The following BORCS5 variants were observed in gnomAD, a reference collection of about 807,000 sequenced individuals.
BORCS5 encodes the protein BLOC-1 related complex subunit 5.
A neutral mutation model predicts 22.1 loss-of-function variants in BORCS5; 17 were observed. That is an observed-to-expected ratio of 0.77 (90% confidence interval 0.53 to 1.15). BORCS5 has a LOEUF of 1.15. Among genes scored for constraint, BORCS5 ranks in the 50% most tolerant of loss-of-function variants. The pLI is 0.00. For missense variants in BORCS5, 247 were observed against 253.2 expected (o/e 0.98, Z 0.17); for synonymous variants, 117 against 99.8 (o/e 1.17, Z -1.03).
intron 2 of BORCS5, among the ~76,000 whole-genome samples, chr12:12,399,758 C>T (rs1409129253): frequency 6.6e-6 from 1 of 152,186 alleles, no homozygotes; most frequent in Non-Finnish European, 1.5e-5. Flanking sequence ...CTGCCAAAGA[C>T]TGTGTCCTTC....
rs1379868725 is a variant in BORCS5, at chr12:12,361,353, A to G, written c.202+4A>G. Reference sequence around the variant, plus strand: ...ACCTTCCAGCCCCTTTTGAAAGGTAAAGGATTGCGTTTTGTTTTATCTGAA... The same window carrying G: ...ACCTTCCAGCCCCTTTTGAAAGGTAGAGGATTGCGTTTTGTTTTATCTGAA... On this transcript the variant is annotated splice_donor_region_variant and intron_variant, in intron 2 of 3. Coordinates refer to ENST00000314565, the MANE Select transcript of BORCS5 (RefSeq NM_058169.6). 1 of 1,613,066 alleles carries G rather than the reference A, an allele frequency of 6.2e-7. No individual in the cohort carries two copies. The highest frequency in any genetic ancestry group is 1.1e-5 in the South Asian group (1 of 91,060).
chr12:12,419,633 A>G (rs1187195356), intron 2 of BORCS5, among the ~76,000 whole-genome samples: 2 of 152,170 alleles, frequency 1.3e-5, no homozygotes, highest in Admixed American at 6.5e-5. Flanking sequence ...GTCTTCCACA[A>G]TGGTTGGACT....
intron 2 of BORCS5, among the ~76,000 whole-genome samples, chr12:12,416,686 C>T (rs1407386273): frequency 6.6e-6 from 1 of 151,900 alleles, no homozygotes; most frequent in African/African-American, 2.4e-5. Flanking sequence ...TTCTCGAACT[C>T]CTGGGCTCAA....
At chr12:12,362,204 G>T (rs1033484618) in intron 2 of BORCS5, among the ~76,000 whole-genome samples, 1 of 152,094 alleles carries the variant, frequency 6.6e-6, no homozygotes, top group African/African-American at 2.4e-5. Flanking sequence ...TCAATGATTG[G>T]GGTAAGATAA....
At chr12:12,457,529 C>T (rs1009822625) in intron 3 of BORCS5, among the ~76,000 whole-genome samples, 9 of 152,094 alleles carry the variant, frequency 5.9e-5, no homozygotes, top group Non-Finnish European at 1.3e-4. Flanking sequence ...ATTAGCTGGG[C>T]GAGGTGGTGG....
In BORCS5 at chr12:12,405,710, A is replaced by T. The variant is rs1041924983; in HGVS notation, c.203-29918A>T. On this transcript the variant is annotated intron_variant, in intron 2 of 3. Coordinates refer to ENST00000314565, the MANE Select transcript of BORCS5 (RefSeq NM_058169.6). ...TAGTTAAATTTTAGTAAATTATAAT[A>T]ATGTTGTTTATTGTTTTCCAAAGGA... is the stretch of plus-strand genomic sequence containing the variant. Among the ~76,000 whole-genome samples the T allele has an allele frequency of 4.6e-5, 7 of 152,194 alleles. No individual in the cohort carries two copies. The South Asian group carries it at 8.3e-4, about 18-fold the overall frequency.
At chr12:12,370,099 TACACACACACACACACACAC>T (rs56408181) in intron 2 of BORCS5, among the ~76,000 whole-genome samples, 22,430 of 145,364 alleles carry the variant, frequency 0.15, 4,005 homozygotes, top group African/African-American at 0.44. Flanking sequence ...AGTGGTTTTA[TACACACACACACACACACAC>T]ACACACACAC....
chr12:12,399,421 TG>T (rs1427793804), intron 2 of BORCS5, among the ~76,000 whole-genome samples: 1 of 152,084 alleles, frequency 6.6e-6, no homozygotes, highest in African/African-American at 2.4e-5. Flanking sequence ...AGAGGCAGCC[TG>T]GGGTGGAGGT....
chr12:12,401,758 G>A (rs912299616), intron 2 of BORCS5, among the ~76,000 whole-genome samples: 2 of 151,922 alleles, frequency 1.3e-5, no homozygotes, highest in South Asian at 2.1e-4. Flanking sequence ...ATTGGATATT[G>A]TTTGAAAACA....
At chr12:12,359,344 C>T (rs1457912376) in intron 1 of BORCS5, among the ~76,000 whole-genome samples, 1 of 146,046 alleles carries the variant, frequency 6.8e-6, no homozygotes, top group Non-Finnish European at 1.5e-5. Context: ...CCAGCCTGGG[C>T]GATGTAGTGA....
At position 12,364,078 on chromosome 12, in the gene BORCS5, A is replaced by G. The variant is rs1307941819; in HGVS notation, c.202+2729A>G. Among the ~76,000 whole-genome samples, 3 of 152,246 alleles carry G rather than the reference A, an allele frequency of 2.0e-5. No homozygotes were observed. The East Asian group carries it at 5.8e-4, about 29-fold the overall frequency. Reference sequence around the variant, plus strand: ...AAACTAGAGAAAAGAAAATGTATTAAGAAAATTATAAGGAAGGCCAGGCAC... The same window carrying G: ...AAACTAGAGAAAAGAAAATGTATTAGGAAAATTATAAGGAAGGCCAGGCAC... On this transcript the variant is annotated intron_variant, in intron 2 of 3. Transcript: ENST00000314565.
intron 2 of BORCS5, among the ~76,000 whole-genome samples, chr12:12,413,781 G>A (rs1441413045): frequency 2.4e-5 from 2 of 82,420 alleles, no homozygotes; most frequent in Non-Finnish European, 5.0e-5. Context: ...CAGTAGGGGC[G>A]GCCGGGCAGA....
intron 2 of BORCS5, among the ~76,000 whole-genome samples, chr12:12,431,136 A>G (rs1942412577): frequency 6.6e-6 from 1 of 152,220 alleles, no homozygotes; most frequent in Non-Finnish European, 1.5e-5. Context: ...TTTGTTATCC[A>G]TGCCAAATTG....
chr12:12,427,995 G>A lies in BORCS5; in HGVS notation c.203-7633G>A, dbSNP rs1462884876. 3.3e-5 allele frequency among the ~76,000 whole-genome samples: 5 copies of A among 152,224 alleles called. No homozygotes were observed. The South Asian group carries it at 1.0e-3, about 32-fold the overall frequency. The stretch of plus-strand genomic sequence containing the variant: ...ACACAAACATTCAGTCCATACGGGG[G>A]AATTTTCTTTTTTCAGAATCTGTTG... On this transcript the variant is annotated intron_variant, in intron 2 of 3. Transcript: ENST00000314565.
At chr12:12,448,166 G>A (rs932323862) in intron 3 of BORCS5, among the ~76,000 whole-genome samples, 5 of 152,056 alleles carry the variant, frequency 3.3e-5, no homozygotes, top group Admixed American at 6.6e-5. Flanking sequence ...CTAAAGCCGC[G>A]CTTCCTTTCC....
At chr12:12,360,593 T>A (rs1296399159) in intron 1 of BORCS5, among the ~76,000 whole-genome samples, 2 of 118,000 alleles carry the variant, frequency 1.7e-5, no homozygotes, top group Admixed American at 9.7e-5. Flanking sequence ...TTTTTTTTTT[T>A]AGAGATAGGG....
At chr12:12,413,561 T>C (rs1203114305) in intron 2 of BORCS5, among the ~76,000 whole-genome samples, 2 of 144,388 alleles carry the variant, frequency 1.4e-5, no homozygotes, top group East Asian at 4.0e-4. Flanking sequence ...AAAACCGCCA[T>C]TGTCATCATG....
At chr12:12,417,987 CATTTATTTATTTATTTATTT>C (rs144698905) in intron 2 of BORCS5, among the ~76,000 whole-genome samples, 1,681 of 139,002 alleles carry the variant, frequency 0.012, 14 homozygotes, top group African/African-American at 0.021. Flanking sequence ...TATATCAAAC[CATTTATTTATTTATTTATTT>C]ATTTATTTAT....
At chr12:12,451,593 CATT>C (rs1274942164) in intron 3 of BORCS5, among the ~76,000 whole-genome samples, 1 of 151,946 alleles carries the variant, frequency 6.6e-6, no homozygotes, top group East Asian at 1.9e-4. Flanking sequence ...AGAAAAGCAA[CATT>C]GAACTGGCTG....
Sources: gnomAD v4.1 joint callset for allele counts (sites outside exome capture counted in the v4.1 genomes callset) on GRCh38, gnomAD v4.1.1 for gene constraint, MANE v1.5 for transcripts, NCBI Gene and HGNC (gene_info 2026-07-23, HGNC 2026-07-21) for gene names.